Variants in NAALADL2 observed in about 807,000 individuals in gnomAD.
NAALADL2 encodes N-acetylated alpha-linked acidic dipeptidase like 2.
A neutral mutation model predicts 87.2 loss-of-function variants in NAALADL2; 76 were observed. The observed-to-expected ratio is 0.87, with a 90% CI of 0.72 to 1.05. The LOEUF is 1.05. NAALADL2 is among the 50% of genes least tolerant of loss of function. NAALADL2 has a pLI of 0.00. For synonymous variants in NAALADL2, 354 were observed against 331.0 expected (o/e 1.07, Z -0.75); for missense variants, 1,089 against 945.8 (o/e 1.15, Z -1.99).
intron 3 of NAALADL2, among the ~76,000 whole-genome samples, chr3:174,818,680 T>C (rs781264238): frequency 1.8e-4 from 27 of 152,158 alleles, no homozygotes; most frequent in Admixed American, 2.6e-4. Context: ...AAAGTCTCTT[T>C]GCTTTAAGAT....
chr3:174,583,336 T>C (rs559451702), intron 2 of NAALADL2, among the ~76,000 whole-genome samples: 47 of 152,338 alleles, frequency 3.1e-4, no homozygotes, highest in African/African-American at 1.1e-3. Context: ...CCATTTTTAG[T>C]TTATGGTATA....
intron 2 of NAALADL2, among the ~76,000 whole-genome samples, chr3:174,694,984 T>C (rs1340529197): frequency 6.6e-6 from 1 of 152,058 alleles, no homozygotes; most frequent in Non-Finnish European, 1.5e-5. Flanking sequence ...AAGCAAGGAA[T>C]TCATTGTCTA....
chr3:174,821,020 A>T lies in NAALADL2; in HGVS notation c.-9+83274A>T, dbSNP rs918407570. 9.2e-5 allele frequency among the ~76,000 whole-genome samples: 14 copies of T among 152,326 alleles called. No individual in the cohort carries two copies. The East Asian group carries it at 2.7e-3, about 29-fold the overall frequency. On this transcript the variant is annotated intron_variant, in intron 3 of 3. Transcript: ENST00000434257. ...TTTTTTGTTTTCCCTTCCCCAGGTC[A>T]ACATTCTCAAGTGCTTTCCAGTATG...
rs535799812 is a variant in NAALADL2 at position 175,075,985 on chromosome 3, T to C, written c.44-20805T>C. ...AGTGGTTCACGTAATCCCAGTACTTTAGGAGGCCGAGGTAGGGGGATCACT... is the reference window on the plus strand; with the variant it reads ...AGTGGTTCACGTAATCCCAGTACTTCAGGAGGCCGAGGTAGGGGGATCACT... On this transcript the variant is annotated intron_variant, in intron 1 of 13. Coordinates refer to ENST00000454872, the MANE Select transcript of NAALADL2 (RefSeq NM_207015.3). 3.9e-5 allele frequency among the ~76,000 whole-genome samples: 6 copies of C among 152,204 alleles called. No homozygotes were observed. In the East Asian group the frequency reaches 1.2e-3, roughly 29 times the overall value.
intron 2 of NAALADL2, among the ~76,000 whole-genome samples, chr3:174,737,396 CA>C (rs1379724719): frequency 6.6e-6 from 1 of 152,116 alleles, no homozygotes; most frequent in Non-Finnish European, 1.5e-5. Flanking sequence ...AAAATGAAAT[CA>C]AGGGAGAAAA....
intron 1 of NAALADL2, among the ~76,000 whole-genome samples, chr3:174,990,919 G>C (rs1325165844): frequency 6.6e-6 from 1 of 152,078 alleles, no homozygotes; most frequent in Non-Finnish European, 1.5e-5. Flanking sequence ...AGCTTTGTTA[G>C]CTTTGAAATT....
At chr3:175,510,544 G>A (rs1214056672) in intron 9 of NAALADL2, among the ~76,000 whole-genome samples, 1 of 152,102 alleles carries the variant, frequency 6.6e-6, no homozygotes, top group Non-Finnish European at 1.5e-5. Context: ...GTTTGGAAAT[G>A]TTTTAAAAAA....
chr3:174,753,082 T>A (rs1196872862), intron 3 of NAALADL2, among the ~76,000 whole-genome samples: 1 of 152,208 alleles, frequency 6.6e-6, no homozygotes, highest in Non-Finnish European at 1.5e-5. Context: ...ATTTACCTTC[T>A]TGTTGATCCC....
chr3:174,684,265 T>C (rs1018981825), intron 2 of NAALADL2, among the ~76,000 whole-genome samples: 4 of 152,150 alleles, frequency 2.6e-5, no homozygotes, highest in African/African-American at 9.6e-5. Context: ...AAACATTATC[T>C]TTACTTGATC....
chr3:175,068,770 T>C (rs1715013309), intron 1 of NAALADL2, among the ~76,000 whole-genome samples: 1 of 152,102 alleles, frequency 6.6e-6, no homozygotes. Context: ...CGAGTTATAT[T>C]TTAACTCAAT....
chr3:175,533,607 T>C (rs1734392563), intron 9 of NAALADL2, among the ~76,000 whole-genome samples: 1 of 152,172 alleles, frequency 6.6e-6, no homozygotes, highest in South Asian at 2.1e-4. Context: ...ATCAGGGTCC[T>C]CCCACACGTC....
chr3:175,134,308 T>C (rs1428991914), intron 2 of NAALADL2, among the ~76,000 whole-genome samples: 1 of 152,240 alleles, frequency 6.6e-6, no homozygotes, highest in Admixed American at 6.5e-5. Flanking sequence ...TCTGCAACTT[T>C]TGTTTTCCAA....
intron 2 of NAALADL2, among the ~76,000 whole-genome samples, chr3:175,186,782 ATC>A (rs1737394091): frequency 6.6e-6 from 1 of 152,054 alleles, no homozygotes; most frequent in South Asian, 2.1e-4. Flanking sequence ...TTTCTTTCCC[ATC>A]TCTCTTCCAT....
At chr3:175,231,704 A>C (rs34057710) in intron 2 of NAALADL2, among the ~76,000 whole-genome samples, 30,036 of 152,096 alleles carry the variant, frequency 0.2, 3,170 homozygotes, top group East Asian at 0.3. Flanking sequence ...GGAGCAAACA[A>C]AATATAAAGC....
At chr3:174,904,346 C>T (rs1421926106) in intron 1 of NAALADL2, among the ~76,000 whole-genome samples, 2 of 151,752 alleles carry the variant, frequency 1.3e-5, no homozygotes, top group African/African-American at 2.4e-5. Context: ...GATGTTTATA[C>T]GTTCTGTATA....
chr3:174,746,821 A>G (rs1734306553), intron 3 of NAALADL2, among the ~76,000 whole-genome samples: 1 of 152,198 alleles, frequency 6.6e-6, no homozygotes, highest in Non-Finnish European at 1.5e-5. Context: ...AAAAACAAGC[A>G]ATGGGAAAGG....
intron 2 of NAALADL2, among the ~76,000 whole-genome samples, chr3:175,150,301 G>T (rs1283691938): frequency 2.6e-5 from 4 of 152,054 alleles, no homozygotes; most frequent in African/African-American, 9.7e-5. Flanking sequence ...TACCTCTCTT[G>T]GTTTCACACT....
intron 1 of NAALADL2, among the ~76,000 whole-genome samples, chr3:174,986,818 A>G (rs1479494509): frequency 6.6e-6 from 1 of 152,190 alleles, no homozygotes; most frequent in Non-Finnish European, 1.5e-5. Context: ...GACAAGGGTT[A>G]GTAGGAGGGT....
chr3:175,046,797 A>G (rs1323686927), intron 1 of NAALADL2, among the ~76,000 whole-genome samples: 4 of 152,184 alleles, frequency 2.6e-5, no homozygotes, highest in African/African-American at 7.2e-5. Context: ...CAGCTCTGTG[A>G]TAGCTCTGAA....
Sources: allele counts gnomAD v4.1 joint callset (sites outside exome capture counted in the v4.1 genomes callset), GRCh38; gene constraint gnomAD v4.1.1; transcripts MANE v1.5; gene names NCBI Gene and HGNC (gene_info 2026-07-23, HGNC 2026-07-21).